Variants in CIMAP2 observed in about 807,000 individuals in gnomAD.
CIMAP2 encodes ciliary microtubule-associated protein 2.
chr1:54,839,776 G>A, the CIMAP2 span, among the ~76,000 whole-genome samples: 41 of 152,096 alleles, frequency 2.7e-4, no homozygotes, highest in African/African-American at 9.9e-4. Context: ...TTGAGATAGT[G>A]TCAACACTCT....
chr1:54,840,079 A>AGTT, the CIMAP2 span, among the ~76,000 whole-genome samples: 1 of 152,228 alleles, frequency 6.6e-6, no homozygotes, highest in East Asian at 1.9e-4. Context: ...AAATGCATGT[A>AGTT]GTTGTCATAC....
chr1:54,838,749 C>G, the CIMAP2 span, among the ~76,000 whole-genome samples: 10 of 152,130 alleles, frequency 6.6e-5, no homozygotes, highest in Non-Finnish European at 1.5e-4. Flanking sequence ...CTAGACTCTT[C>G]CACACAGACT....
the CIMAP2 span, among the ~76,000 whole-genome samples, chr1:54,828,087 G>A: frequency 6.6e-6 from 1 of 152,128 alleles, no homozygotes; most frequent in Admixed American, 6.5e-5. Context: ...TTTGGAGGTT[G>A]TAGCAAAAGC....
chr1:54,827,172 C>T, the CIMAP2 span, among the ~76,000 whole-genome samples: 1 of 152,220 alleles, frequency 6.6e-6, no homozygotes, highest in Non-Finnish European at 1.5e-5. Flanking sequence ...GGACAACTTG[C>T]CTAAAGCCAC....
chr1:54,821,436 A>G, the CIMAP2 span, among the ~76,000 whole-genome samples: 1 of 152,060 alleles, frequency 6.6e-6, no homozygotes, highest in African/African-American at 2.4e-5. Context: ...ATTCTTATGG[A>G]TATTCAGTTT....
chr1:54,807,437 C>T, the CIMAP2 span: 18 of 1,402,496 alleles, frequency 1.3e-5, no homozygotes, highest in African/African-American at 7.3e-5. Context: ...TCCCTTCCTC[C>T]GGGTCAGGGT....
chr1:54,835,928 A>G, the CIMAP2 span, among the ~76,000 whole-genome samples: 1 of 152,094 alleles, frequency 6.6e-6, no homozygotes, highest in Non-Finnish European at 1.5e-5. Flanking sequence ...AGGCTGAGGC[A>G]TAGTTGGCCT....
At chr1:54,807,516 T>A in the CIMAP2 span, 1 of 1,525,126 alleles carries the variant, frequency 6.6e-7, no homozygotes, top group Non-Finnish European at 8.8e-7. Context: ...CTGACCACAC[T>A]CTGACTCAGT....
chr1:54,817,323 G>A, the CIMAP2 span, among the ~76,000 whole-genome samples: 3 of 152,218 alleles, frequency 2.0e-5, no homozygotes, highest in African/African-American at 4.8e-5. Context: ...GGTGGGGCAT[G>A]CTGCGTAACT....
the CIMAP2 span, among the ~76,000 whole-genome samples, chr1:54,819,672 C>G: frequency 6.6e-6 from 1 of 152,016 alleles, no homozygotes; most frequent in Non-Finnish European, 1.5e-5. Flanking sequence ...TGCCCGGCCT[C>G]ACCTGTTTTT....
At chr1:54,811,673 C>A in the CIMAP2 span, 4 of 1,131,152 alleles carry the variant, frequency 3.5e-6, no homozygotes, top group South Asian at 1.4e-5. Flanking sequence ...AGGTAGCAAG[C>A]GGACACCCTG....
the CIMAP2 span, chr1:54,811,766 C>CCGGGGGGGCGG: frequency 1.5e-6 from 2 of 1,305,190 alleles, no homozygotes; most frequent in Non-Finnish European, 2.2e-6. Context: ...GTTCTGACAG[C>CCGGGGGGGCGG]CTCCATGCCC....
At chr1:54,812,343 G>A in the CIMAP2 span, among the ~76,000 whole-genome samples, 4 of 152,182 alleles carry the variant, frequency 2.6e-5, no homozygotes, top group South Asian at 2.1e-4. Context: ...GGCTGGATCC[G>A]GTTTCCCATG....
At chr1:54,825,080 C>T in the CIMAP2 span, among the ~76,000 whole-genome samples, 284 of 129,624 alleles carry the variant, frequency 2.2e-3, no homozygotes, top group African/African-American at 8.4e-3. Context: ...GATGGAGTCT[C>T]GCTCTGTCAC....
the CIMAP2 span, among the ~76,000 whole-genome samples, chr1:54,840,385 G>A: frequency 6.6e-6 from 1 of 152,258 alleles, no homozygotes; most frequent in Non-Finnish European, 1.5e-5. Context: ...CCATTCCTAA[G>A]TTGAGGGACA....
chr1:54,839,213 G>A, the CIMAP2 span, among the ~76,000 whole-genome samples: 4 of 152,150 alleles, frequency 2.6e-5, no homozygotes, highest in Admixed American at 6.5e-5. Flanking sequence ...ATACTAAATG[G>A]CCCATTTTGA....
the CIMAP2 span, chr1:54,817,117 C>T: frequency 2.5e-6 from 4 of 1,614,116 alleles, no homozygotes; most frequent in Non-Finnish European, 2.5e-6. Context: ...GGGACATGCT[C>T]ATGCAGTGAG....
chr1:54,824,848 T>C, the CIMAP2 span, among the ~76,000 whole-genome samples: 1 of 151,780 alleles, frequency 6.6e-6, no homozygotes, highest in Non-Finnish European at 1.5e-5. Context: ...TTAATATCAT[T>C]ATTTTGAATT....
the CIMAP2 span, among the ~76,000 whole-genome samples, chr1:54,838,230 C>A: frequency 1.3e-5 from 2 of 152,088 alleles, no homozygotes; most frequent in Non-Finnish European, 2.9e-5. Flanking sequence ...TGCCTGTAAT[C>A]CCAGCACTTT....
Sources: allele counts gnomAD v4.1 joint callset (sites outside exome capture counted in the v4.1 genomes callset), GRCh38; gene constraint gnomAD v4.1.1; transcripts MANE v1.5; gene names NCBI Gene and HGNC (gene_info 2026-07-23, HGNC 2026-07-21).